Variants in LIMCH1 observed in about 807,000 individuals in gnomAD.
LIMCH1 encodes LIM and calponin homology domains 1.
In LIMCH1, 113 loss-of-function variants were observed where a neutral mutation model predicts 176.5. The observed-to-expected ratio is 0.64, with a 90% CI of 0.55 to 0.75. The LOEUF is 0.75. LIMCH1 is among the 30% of genes least tolerant of loss of function. The probability of loss-of-function intolerance (pLI) is 0.00; values close to 1 mark genes in which losing one functional copy is unlikely to be tolerated. For missense variants in LIMCH1, 1,674 were observed against 1,814.9 expected (o/e 0.92, Z 1.41); for synonymous variants, 619 against 645.9 (o/e 0.96, Z 0.63).
intron 2 of LIMCH1, chr4:41,494,740 C>A: frequency 1.6e-6 from 1 of 615,164 alleles, no homozygotes; most frequent in Non-Finnish European, 2.8e-6. Context: ...AATCCCTGGG[C>A]TAGACAAGAA....
At chr4:41,571,865 C>G (rs2083617509) in intron 1 of LIMCH1, among the ~76,000 whole-genome samples, 1 of 152,104 alleles carries the variant, frequency 6.6e-6, no homozygotes, top group Non-Finnish European at 1.5e-5. Context: ...CCATTGCCAC[C>G]TCAGAAACCT....
chr4:41,653,565 G>A (rs1220886115), intron 18 of LIMCH1, among the ~76,000 whole-genome samples: 1 of 152,200 alleles, frequency 6.6e-6, no homozygotes, highest in African/African-American at 2.4e-5. Context: ...TCTCTACAGA[G>A]GAGTAGCTTC....
At chr4:41,524,360 A>C (rs1184733872) in intron 2 of LIMCH1, 2 of 1,388,002 alleles carry the variant, frequency 1.4e-6, no homozygotes, top group Non-Finnish European at 2.1e-6. Context: ...GATTTGTGTG[A>C]TCCATCTTGC....
At chr4:41,481,021 A>ATT (rs548316746) in intron 1 of LIMCH1, among the ~76,000 whole-genome samples, 10 of 145,816 alleles carry the variant, frequency 6.9e-5, no homozygotes, top group South Asian at 2.2e-4. Flanking sequence ...TCTTAATTAG[A>ATT]TTTTTTTTTT....
chr4:41,395,221 A>G (rs2057669094), intron 1 of LIMCH1, among the ~76,000 whole-genome samples: 1 of 150,866 alleles, frequency 6.6e-6, no homozygotes, highest in Non-Finnish European at 1.5e-5. Flanking sequence ...CTAGACTAGT[A>G]GAAGTTAATT....
chr4:41,384,248 A>C lies in LIMCH1; in HGVS notation c.96+23312A>C, dbSNP rs571999161. Among the ~76,000 whole-genome samples, 64 of 151,510 alleles carry C rather than the reference A, an allele frequency of 4.2e-4. No homozygotes were observed. The South Asian group carries it at 0.012, about 27-fold the overall frequency. On this transcript the variant is annotated intron_variant, in intron 1 of 26. Transcript: ENST00000313860. ...GAGACGGAGTCTTGCTCTGTCACCC[A>C]GGCTGGAGTGCAGTGGTGCGATCTC...
intron 1 of LIMCH1, among the ~76,000 whole-genome samples, chr4:41,362,481 C>G (rs1313617675): frequency 6.6e-6 from 1 of 152,150 alleles, no homozygotes; most frequent in Non-Finnish European, 1.5e-5. Context: ...TTTTCAGGTT[C>G]TTGAACTCTA....
intron 1 of LIMCH1, among the ~76,000 whole-genome samples, chr4:41,574,237 C>T (rs1435372440): frequency 0.011 from 4 of 364 alleles, no homozygotes; most frequent in Non-Finnish European, 5.0e-3. Flanking sequence ...AAGATCCCCT[C>T]CCCTCCCCTC....
intron 3 of LIMCH1, among the ~76,000 whole-genome samples, chr4:41,532,145 A>C (rs561468466): frequency 1.3e-5 from 2 of 152,216 alleles, no homozygotes; most frequent in Non-Finnish European, 2.9e-5. Context: ...AGGTCTAGCC[A>C]TGAAAGACTA....
At chr4:41,685,430 A>G (rs557529123) in intron 27 of LIMCH1, among the ~76,000 whole-genome samples, 1 of 152,286 alleles carries the variant, frequency 6.6e-6, no homozygotes, top group East Asian at 1.9e-4. Flanking sequence ...ATCCACCCAG[A>G]TTTGCTTTCT....
intron 1 of LIMCH1, among the ~76,000 whole-genome samples, chr4:41,544,596 C>G (rs1417267262): frequency 6.6e-6 from 1 of 152,074 alleles, no homozygotes; most frequent in Admixed American, 6.6e-5. Flanking sequence ...ACCTAGTTAC[C>G]TAGTTATTCC....
intron 2 of LIMCH1, among the ~76,000 whole-genome samples, chr4:41,519,969 G>A (rs2075956999): frequency 1.3e-5 from 2 of 152,146 alleles, no homozygotes; most frequent in African/African-American, 2.4e-5. Flanking sequence ...TCTTCATCAA[G>A]CTGAATGTTG....
At chr4:41,434,169 A>G (rs73140608) in intron 1 of LIMCH1, among the ~76,000 whole-genome samples, 183 of 152,274 alleles carry the variant, frequency 1.2e-3, no homozygotes, top group African/African-American at 4.2e-3. Context: ...CTTCCAAGGG[A>G]GGTCTCAGAA....
intron 3 of LIMCH1, among the ~76,000 whole-genome samples, chr4:41,532,497 C>G (rs1172067494): frequency 2.0e-5 from 3 of 152,194 alleles, no homozygotes; most frequent in Non-Finnish European, 4.4e-5. Flanking sequence ...GTACATCACA[C>G]TCGGAAACCA....
intron 1 of LIMCH1, among the ~76,000 whole-genome samples, chr4:41,386,653 A>G (rs1225752538): frequency 6.6e-6 from 1 of 152,180 alleles, no homozygotes; most frequent in Non-Finnish European, 1.5e-5. Flanking sequence ...ATGGGTATAA[A>G]TGGGGAGGGG....
intron 13 of LIMCH1, among the ~76,000 whole-genome samples, chr4:41,636,322 G>A (rs2152891732): frequency 6.9e-6 from 1 of 144,016 alleles, no homozygotes; most frequent in South Asian, 2.2e-4. Context: ...ACTTTGCATT[G>A]GAAAGATTGC....
chr4:41,664,061 T>G lies in LIMCH1; in HGVS notation c.3291+1077T>G, dbSNP rs748668225. Among the ~76,000 whole-genome samples, 314 of 151,536 alleles carry G rather than the reference T, an allele frequency of 2.1e-3. 1 individual carries two copies. Among genetic ancestry groups the G allele is most frequent in the Non-Finnish European group, 3.4e-3 (233 of 67,854 alleles). On this transcript the variant is annotated intron_variant, in intron 20 of 31. Transcript: ENST00000503057. ...TCTCAAAAACAAACAAACAAAACAA[T>G]CCAAGCCCATTCCAGACCAAATAAA...
At chr4:41,485,623 C>T (rs2069387273) in intron 1 of LIMCH1, among the ~76,000 whole-genome samples, 1 of 152,120 alleles carries the variant, frequency 6.6e-6, no homozygotes, top group Non-Finnish European at 1.5e-5. Flanking sequence ...TAGTTTTTGT[C>T]CGTGCATGCC....
At chr4:41,531,474 T>TCACA (rs59275736) in intron 3 of LIMCH1, among the ~76,000 whole-genome samples, 40,310 of 126,520 alleles carry the variant, frequency 0.32, 6,773 homozygotes, top group East Asian at 0.48. Context: ...TCTTTCTCTG[T>TCACA]CACACACACA....
Sources: allele counts gnomAD v4.1 joint callset (sites outside exome capture counted in the v4.1 genomes callset), GRCh38; gene constraint gnomAD v4.1.1; transcripts MANE v1.5; gene names NCBI Gene and HGNC (gene_info 2026-07-23, HGNC 2026-07-21).